The following IKBKE variants were observed in gnomAD, a reference collection of about 807,000 sequenced individuals.
The protein encoded by IKBKE is inhibitor of nuclear factor kappa B kinase subunit epsilon, also known as inhibitor of nuclear factor kappa-B kinase subunit epsilon.
In IKBKE, 45 loss-of-function variants were observed where a neutral mutation model predicts 92.1. The observed-to-expected ratio is 0.49, with a 90% CI of 0.38 to 0.63. IKBKE has a LOEUF of 0.63. Ranked by LOEUF, IKBKE falls within the 20% of genes least tolerant of loss-of-function variation. The probability of loss-of-function intolerance (pLI) is 0.00; values close to 1 mark genes in which losing one functional copy is unlikely to be tolerated. For synonymous variants in IKBKE, 374 were observed against 380.3 expected, an observed-to-expected ratio of 0.98 and a Z score of 0.19; for missense variants, 700 against 932.8, an observed-to-expected ratio of 0.75 and a Z score of 3.25.
intron 10 of IKBKE, 61 bp from the exon 11 acceptor site, chr1:206,479,809 G>T: frequency 1.3e-6 from 2 of 1,552,050 alleles, no homozygotes; most frequent in South Asian, 1.1e-5. Context: ...TGGAAATAAT[G>T]AAAGATAAGC....
intron 4 of IKBKE, 79 bp from the exon 5 acceptor site, chr1:206,474,786 T>C: frequency 6.5e-7 from 1 of 1,544,970 alleles, no homozygotes. Flanking sequence ...GGCTCTGGGC[T>C]CCAGGCTGAG....
chr1:206,476,716 C>G lies in IKBKE; in HGVS notation c.579C>G (p.Pro193=), dbSNP rs781852259. The G allele has an allele frequency of 1.2e-6, 2 of 1,614,204 alleles. No individual in the cohort carries two copies. The highest frequency in any genetic ancestry group is 1.7e-5 in the Admixed American group (1 of 60,026). The part of the protein sequence containing the change: ...DMYERAVLRK[P]QQKAFGVTVD... ...ATGAGCGGGCGGTGCTTCGAAAGCC[C>G]CAGCAAAAAGCGTTCGGGGTGACTG... is the stretch of plus-strand genomic sequence containing the variant. Residue 193 remains proline, a synonymous_variant, in exon 7 of 22, where the codon CCC becomes CCG. Coordinates refer to ENST00000581977, the MANE Select transcript of IKBKE (RefSeq NM_014002.4). This position sits in a 1 kb window ranked among gnomAD's most constrained non-coding sequence, Gnocchi z 5.1.
intron 16 of IKBKE, among the ~76,000 whole-genome samples, chr1:206,489,363 GTGTGTGTA>G (rs1448065884): frequency 1.2e-3 from 35 of 28,320 alleles, no homozygotes; most frequent in Admixed American, 2.4e-3. Flanking sequence ...GTGTGTGTGT[GTGTGTGTA>G]TATATATATA....
chr1:206,489,592 C>T (rs1553389755), intron 16 of IKBKE, among the ~76,000 whole-genome samples: 1 of 151,996 alleles, frequency 6.6e-6, no homozygotes, highest in Admixed American at 6.6e-5. Flanking sequence ...GTCCTAACTA[C>T]TTGGGAGGCT....
chr1:206,484,961 C>G, intron 13 of IKBKE, 36 bp from the exon 14 acceptor site: 2 of 1,568,786 alleles, frequency 1.3e-6, no homozygotes. Flanking sequence ...TGCTCCTAAG[C>G]CCCCAAATGT....
rs2103472613 is a variant in IKBKE at position 206,485,271 on chromosome 1, G to C, written c.1581G>C (p.Leu527=). The C allele has an allele frequency of 1.2e-6, 2 of 1,613,644 alleles. No homozygotes were observed. The highest frequency in any genetic ancestry group is 2.2e-5 in the East Asian group (1 of 44,886). ...GCCTGAGCAGCCTGAACCGGGAGCT[G>C]GTGAAGAGCCGGGATCAGGTACATG... ...QESLSSLNRE[L]VKSRDQVHED... The change falls in exon 15 of 22, where the codon CTG becomes CTC. Residue 527 remains leucine (L), a synonymous_variant. Coordinates refer to ENST00000581977, the MANE Select transcript of IKBKE (RefSeq NM_014002.4). This position sits in a 1 kb window ranked among gnomAD's most constrained non-coding sequence, Gnocchi z 5.0.
chr1:206,493,562 C>T (rs371698676), intron 20 of IKBKE, among the ~76,000 whole-genome samples, 184 bp downstream of exon 20: 10 of 152,290 alleles, frequency 6.6e-5, no homozygotes, highest in Admixed American at 3.9e-4. Flanking sequence ...CCAAGGTGAG[C>T]GGATCAACTT....
chr1:206,487,309 C>T lies in IKBKE; in HGVS notation c.1617-605C>T, dbSNP rs1665715835. ...GAAGAAATAATAATGACCTTCAACC[C>T]CAGAACAAGAAAGTCCTCGGGAGAT... On this transcript the variant is annotated intron_variant, in intron 15 of 21. Transcript: ENST00000581977. This position sits in a 1 kb window ranked among gnomAD's most constrained non-coding sequence, Gnocchi z 5.3. 6.6e-6 allele frequency among the ~76,000 whole-genome samples: 1 copy of T among 152,200 alleles called. No homozygotes were observed. The highest frequency in any genetic ancestry group is 6.5e-5 in the Admixed American group (1 of 15,284).
chr1:206,491,953 C>A, intron 18 of IKBKE: 1 of 486,790 alleles, frequency 2.1e-6, no homozygotes, highest in Admixed American at 3.3e-5. Flanking sequence ...CCTACAACAC[C>A]TGCCCTATAC....
chr1:206,494,027 G>A (rs1553391494), intron 21 of IKBKE, 36 bp downstream of exon 21: 1 of 1,582,168 alleles, frequency 6.3e-7, no homozygotes, highest in Non-Finnish European at 8.7e-7. Context: ...TCAGGGCCGG[G>A]TCTTCAAGCT....
chr1:206,471,554 G>A (rs1387548631), intron 2 of IKBKE, among the ~76,000 whole-genome samples: 1 of 152,208 alleles, frequency 6.6e-6, no homozygotes, highest in Admixed American at 6.5e-5. Context: ...CCTTGCCCCA[G>A]TATCAGAGCC....
At chr1:206,481,842 C>T (rs1298071576) in intron 13 of IKBKE, among the ~76,000 whole-genome samples, 3 of 131,336 alleles carry the variant, frequency 2.3e-5, no homozygotes, top group Non-Finnish European at 4.6e-5. Context: ...TGCAGTGGCG[C>T]GATCTCGGCT....
Position 206,478,128 on chromosome 1 carries a change from C to T in IKBKE, c.813-32C>T, listed in dbSNP as rs1553385929. On this transcript the variant is annotated intron_variant, in intron 8 of 21. Transcript: ENST00000581977. The surrounding 1 kb of genome is among the most constrained non-coding windows in gnomAD (Gnocchi z 4.8). ...TAAGGAGGATAGGTCTGGGCCCCCA[C>T]CCCTGACAGTCTCCATGTCCTGGGA... 1.9e-6 allele frequency: 3 copies of T among 1,599,358 alleles called. No homozygotes were observed. The highest frequency in any genetic ancestry group is 1.7e-5 in the Admixed American group (1 of 59,358).
intron 21 of IKBKE, among the ~76,000 whole-genome samples, chr1:206,495,397 G>T (rs890051447): frequency 1.3e-5 from 2 of 152,218 alleles, no homozygotes; most frequent in African/African-American, 4.8e-5. Flanking sequence ...GCATAGGGGG[G>T]TGTGGAGGGA....
rs200241005 is a variant in IKBKE, at chr1:206,491,706, C to T, written c.1792C>T (p.Gln598Ter). The change falls in exon 18 of 22, where the codon CAG (glutamine) becomes TAG (stop). Residue 598 changes from glutamine to a stop codon, truncating the protein, a stop_gained. Coordinates refer to ENST00000581977, the MANE Select transcript of IKBKE (RefSeq NM_014002.4). LOFTEE classifies it high-confidence loss of function. ...LLQVFQEECV[Q>*]KYQASLVTHG... Reference sequence around the variant, plus strand: ...GCAGGTGTTCCAGGAGGAGTGCGTGCAGAAGTATCAAGCGTCCTTAGTCAC... The same window carrying T: ...GCAGGTGTTCCAGGAGGAGTGCGTGTAGAAGTATCAAGCGTCCTTAGTCAC... The T allele has an allele frequency of 1.2e-6, 2 of 1,613,604 alleles. No individual in the cohort carries two copies. The highest frequency in any genetic ancestry group is 1.7e-6 in the Non-Finnish European group (2 of 1,179,694).
chr1:206,496,125 C>T lies in IKBKE; in HGVS notation c.2131C>T (p.Pro711Ser). Residue 711 changes from proline (P) to serine (S), a missense_variant, in exon 22 of 22, where the codon CCA (proline) becomes TCA (serine). Transcript: ENST00000581977. ...NRIIERLNRV[P>S]APPDV Reference sequence around the variant, plus strand: ...CTTTTCTTGTAGGCTAAATAGAGTCCCAGCACCTCCTGATGTCTGAGCTCC... The same window carrying T: ...CTTTTCTTGTAGGCTAAATAGAGTCTCAGCACCTCCTGATGTCTGAGCTCC... 6.2e-7 allele frequency: 1 copy of T among 1,613,592 alleles called. No individual in the cohort carries two copies. The highest frequency in any genetic ancestry group is 8.5e-7 in the Non-Finnish European group (1 of 1,179,522).
intron 15 of IKBKE, among the ~76,000 whole-genome samples, chr1:206,486,299 T>G (rs1454533653): frequency 6.6e-6 from 1 of 150,948 alleles, no homozygotes; most frequent in Non-Finnish European, 1.5e-5. Context: ...TCCTTTTGGA[T>G]GAAGGCTGCA....
chr1:206,477,608 G>A, intron 7 of IKBKE, 141 bp from the exon 8 acceptor site: 1 of 610,024 alleles, frequency 1.6e-6, no homozygotes, highest in Non-Finnish European at 3.0e-6. Flanking sequence ...TGAGAGCCAG[G>A]TTTCTCACAC....
intron 13 of IKBKE, among the ~76,000 whole-genome samples, chr1:206,481,686 T>C (rs892191989): frequency 5.4e-5 from 8 of 147,708 alleles, no homozygotes; most frequent in African/African-American, 2.0e-4. Flanking sequence ...CCTGGACATG[T>C]GAGGGCTGAT....
Sources: allele counts gnomAD v4.1 joint callset (sites outside exome capture counted in the v4.1 genomes callset), GRCh38; gene constraint gnomAD v4.1.1; non-coding constraint Gnocchi (gnomAD v3.1); transcripts MANE v1.5; gene names NCBI Gene and HGNC (gene_info 2026-07-23, HGNC 2026-07-21).